Variants in SSH2 observed in about 807,000 individuals in gnomAD.
SSH2 encodes the protein slingshot protein phosphatase 2, also known as protein phosphatase Slingshot homolog 2.
In SSH2, 37 loss-of-function variants were observed where a neutral mutation model predicts 135.2. That is an observed-to-expected ratio of 0.27 (90% confidence interval 0.21 to 0.36). The LOEUF (loss-of-function observed/expected upper bound fraction) is 0.36. SSH2 is among the 10% of genes least tolerant of loss of function. The pLI, the probability that SSH2 is intolerant of heterozygous loss-of-function variation, is 1.00. For missense variants in SSH2, 1,408 were observed against 1,765.3 expected, an observed-to-expected ratio of 0.80 and a Z score of 3.63; for synonymous variants, 628 against 646.2, an observed-to-expected ratio of 0.97 and a Z score of 0.43.
intron 3 of SSH2, among the ~76,000 whole-genome samples, chr17:29,783,779 T>TGG (rs529163055): frequency 4.0e-5 from 6 of 151,826 alleles, no homozygotes; most frequent in African/African-American, 1.5e-4. Flanking sequence ...TAAGAGTAAT[T>TGG]GGGGGGGCCG....
intron 1 of SSH2, among the ~76,000 whole-genome samples, chr17:29,889,099 C>G (rs961244762): frequency 6.6e-6 from 1 of 151,574 alleles, no homozygotes; most frequent in Non-Finnish European, 1.5e-5. Flanking sequence ...ATACCATATA[C>G]AAAAATTTAC....
chr17:29,680,551 C>CAAAAAAA (rs1160865828), intron 6 of SSH2, among the ~76,000 whole-genome samples: 1,892 of 21,524 alleles, frequency 0.088, 705 homozygotes, highest in Middle Eastern at 0.14. Context: ...GACTCCCTCT[C>CAAAAAAA]AAAAAAAAAA....
rs60980335 is a variant in SSH2, at chr17:29,664,674, A to T, written c.1032+2193T>A. 4.5e-3 allele frequency among the ~76,000 whole-genome samples: 691 copies of T among 152,196 alleles called. 8 individuals are homozygous for T. Among genetic ancestry groups the T allele is most frequent in the African/African-American group, 0.016 (654 of 41,516 alleles). ...ACACCTGGCCAGAATTATTTTTTTA[A>T]TAAGAAAAAAACTCAAGACAGAAGA... On this transcript the variant is annotated intron_variant, in intron 11 of 15. Transcript: ENST00000540801.
At chr17:29,792,056 G>A (rs776611991) in intron 3 of SSH2, among the ~76,000 whole-genome samples, 1 of 151,554 alleles carries the variant, frequency 6.6e-6, no homozygotes, top group Non-Finnish European at 1.5e-5. Context: ...CTGAGTAGCT[G>A]GGATTACAGG....
At chr17:29,800,870 T>C (rs1032588019) in intron 2 of SSH2, among the ~76,000 whole-genome samples, 4 of 150,348 alleles carry the variant, frequency 2.7e-5, no homozygotes, top group Non-Finnish European at 1.5e-5. Flanking sequence ...TTCTTTTTTT[T>C]TTTCTTTTTT....
chr17:29,757,152 C>T (rs2041155275), intron 3 of SSH2, among the ~76,000 whole-genome samples: 1 of 152,196 alleles, frequency 6.6e-6, no homozygotes, highest in African/African-American at 2.4e-5. Context: ...AATTGTTTAG[C>T]TGCTCCCACT....
At chr17:29,738,821 T>C (rs1190821687) in intron 3 of SSH2, among the ~76,000 whole-genome samples, 1 of 152,190 alleles carries the variant, frequency 6.6e-6, no homozygotes, top group Non-Finnish European at 1.5e-5. Flanking sequence ...CCCAAAGTGC[T>C]GGGATTACAG....
intron 14 of SSH2, among the ~76,000 whole-genome samples, chr17:29,637,004 T>TA (rs1284571095): frequency 1.4e-4 from 22 of 152,234 alleles, no homozygotes; most frequent in Non-Finnish European, 1.2e-4. Context: ...GAGTTTTTTT[T>TA]ACCTATCAGT....
At chr17:29,845,008 T>C (rs746891008) in intron 2 of SSH2, among the ~76,000 whole-genome samples, 25 of 152,148 alleles carry the variant, frequency 1.6e-4, no homozygotes, top group Admixed American at 6.5e-4. Flanking sequence ...GTGTAGATTA[T>C]ACTTTCTCTA....
intron 2 of SSH2, among the ~76,000 whole-genome samples, chr17:29,826,225 G>A (rs2042741715): frequency 6.6e-6 from 1 of 152,086 alleles, no homozygotes; most frequent in African/African-American, 2.4e-5. Context: ...CTCTCATCTT[G>A]ACTGGTCACT....
chr17:29,833,400 AC>A (rs1330900030), intron 2 of SSH2, among the ~76,000 whole-genome samples: 1 of 151,998 alleles, frequency 6.6e-6, no homozygotes, highest in Non-Finnish European at 1.5e-5. Flanking sequence ...AAGTATAGCT[AC>A]CCTTGCTCTT....
intron 2 of SSH2, 33 bp downstream of exon 2, chr17:29,848,816 C>T (rs1041045640): frequency 2.2e-6 from 3 of 1,386,318 alleles, no homozygotes; most frequent in African/African-American, 1.4e-5. Flanking sequence ...ACTTGAATCA[C>T]CAAAGTCTGT....
intron 4 of SSH2, among the ~76,000 whole-genome samples, chr17:29,702,345 T>A (rs1309386436): frequency 4.6e-5 from 4 of 86,372 alleles, no homozygotes; most frequent in Middle Eastern, 5.1e-3. Flanking sequence ...AGAGTGAGAG[T>A]CTGTCTCAAA....
chr17:29,740,974 T>A (rs1340338893), intron 3 of SSH2, among the ~76,000 whole-genome samples: 1 of 152,204 alleles, frequency 6.6e-6, no homozygotes, highest in Non-Finnish European at 1.5e-5. Flanking sequence ...ACTACCCATA[T>A]GCTCAAAAAC....
intron 2 of SSH2, among the ~76,000 whole-genome samples, chr17:29,842,274 C>G (rs983768722): frequency 6.6e-6 from 1 of 151,570 alleles, no homozygotes; most frequent in Non-Finnish European, 1.5e-5. Flanking sequence ...GCTAACATGA[C>G]GAAACCCTGT....
At chr17:29,763,953 T>C (rs2041384219) in intron 3 of SSH2, among the ~76,000 whole-genome samples, 1 of 152,126 alleles carries the variant, frequency 6.6e-6, no homozygotes, top group Admixed American at 6.5e-5. Context: ...CTGCTTTTTT[T>C]TTTTTTTTTC....
intron 1 of SSH2, among the ~76,000 whole-genome samples, chr17:29,893,849 TTTAAAGAACTATC>T (rs2066395099): frequency 6.6e-6 from 1 of 152,162 alleles, no homozygotes; most frequent in Non-Finnish European, 1.5e-5. Context: ...TTCCATCCCT[TTTAAAGAACTATC>T]TTAAATAACA....
At chr17:29,905,274 A>G (rs541018854) in intron 1 of SSH2, among the ~76,000 whole-genome samples, 2 of 152,334 alleles carry the variant, frequency 1.3e-5, no homozygotes, top group East Asian at 3.9e-4. Context: ...AAAACAGCAC[A>G]ACACTTGTAC....
intron 3 of SSH2, among the ~76,000 whole-genome samples, chr17:29,703,841 A>C (rs1209815657): frequency 2.0e-5 from 3 of 152,228 alleles, no homozygotes; most frequent in Non-Finnish European, 4.4e-5. Context: ...GGCCTCCCAA[A>C]GTGCTAGGAC....
Sources: allele counts gnomAD v4.1 joint callset (sites outside exome capture counted in the v4.1 genomes callset), GRCh38; gene constraint gnomAD v4.1.1; transcripts MANE v1.5; gene names NCBI Gene and HGNC (gene_info 2026-07-23, HGNC 2026-07-21).